CELF2: variants seen among roughly 807,000 people sequenced by gnomAD.
The protein encoded by CELF2 is CUGBP Elav-like family member 2.
CELF2 carries 8 observed loss-of-function variants against 62.6 expected under a neutral mutation model. That is an observed-to-expected ratio of 0.13 (90% CI 0.07 to 0.23). CELF2 has a LOEUF of 0.23. Among genes scored for constraint, CELF2 ranks in the 10% least tolerant of loss-of-function variants. The pLI, the probability that CELF2 is intolerant of heterozygous loss-of-function variation, is 1.00. For missense variants in CELF2, 333 were observed against 671.0 expected, an observed-to-expected ratio of 0.50 and a Z score of 5.56; for synonymous variants, 258 against 250.0, an observed-to-expected ratio of 1.03 and a Z score of -0.30.
intron 2 of CELF2, among the ~76,000 whole-genome samples, chr10:11,183,925 C>A (rs930366709): frequency 1.5e-4 from 23 of 152,114 alleles, no homozygotes; most frequent in South Asian, 1.2e-3. Context: ...TTTGGTGAAG[C>A]CTTATTTATA....
At chr10:11,035,954 A>G (rs2060880462) in intron 1 of CELF2, among the ~76,000 whole-genome samples, 1 of 152,234 alleles carries the variant, frequency 6.6e-6, no homozygotes, top group South Asian at 2.1e-4. Flanking sequence ...CAACAAGCAA[A>G]GCAATGTTTG....
rs192112762 is a variant in CELF2, at chr10:10,920,899, T to C, written c.89+900T>C. On this transcript the variant is annotated intron_variant, in intron 2 of 13. Transcript: ENST00000636488. ...AAGAGGTATTTTGCTGGGCATTGAA[T>C]GTATCTAGAATCTCTCCTGAGCACC... Among the ~76,000 whole-genome samples the C allele has an allele frequency of 8.7e-4, 133 of 152,208 alleles. 1 individual carries two copies. The highest frequency in any genetic ancestry group is 3.0e-3 in the African/African-American group (123 of 41,528).
the CELF2 span, among the ~76,000 whole-genome samples, chr10:10,747,175 T>C: frequency 6.6e-6 from 1 of 152,220 alleles, no homozygotes; most frequent in African/African-American, 2.4e-5. Context: ...GTCTGCAAGC[T>C]GGTGGAGCTG....
intron 1 of CELF2, among the ~76,000 whole-genome samples, chr10:11,119,786 A>G (rs1423212236): frequency 1.3e-5 from 2 of 151,698 alleles, no homozygotes; most frequent in Non-Finnish European, 2.9e-5. Flanking sequence ...GTGGAATACC[A>G]CAGTGATCAA....
the CELF2 span, among the ~76,000 whole-genome samples, chr10:10,761,905 CGTGTGTGTGT>C: frequency 2.7e-3 from 351 of 128,972 alleles, 1 homozygote; most frequent in East Asian, 9.6e-3. Flanking sequence ...TATAATAAAC[CGTGTGTGTGT>C]GTGTGTGTGT....
chr10:11,096,013 T>C (rs2049769471), intron 1 of CELF2, among the ~76,000 whole-genome samples: 1 of 152,220 alleles, frequency 6.6e-6, no homozygotes, highest in South Asian at 2.1e-4. Flanking sequence ...CATCCATAGG[T>C]ATTAACAGCT....
intron 2 of CELF2, among the ~76,000 whole-genome samples, chr10:10,956,272 T>C (rs2048884760): frequency 6.6e-6 from 1 of 152,262 alleles, no homozygotes; most frequent in Non-Finnish European, 1.5e-5. Flanking sequence ...ATGGTATCTC[T>C]GCTCTATTTC....
intron 2 of CELF2, among the ~76,000 whole-genome samples, chr10:10,964,800 A>G (rs1336312067): frequency 1.6e-5 from 2 of 123,840 alleles, no homozygotes; most frequent in African/African-American, 1.1e-4. Context: ...AATAATAATA[A>G]TAGAAACATC....
At chr10:10,992,818 G>C (rs904041327) in intron 2 of CELF2, among the ~76,000 whole-genome samples, 2 of 152,232 alleles carry the variant, frequency 1.3e-5, no homozygotes, top group African/African-American at 4.8e-5. Context: ...ACGGCAGTAG[G>C]TTAAACAGTC....
At chr10:10,521,399 C>T in the CELF2 span, among the ~76,000 whole-genome samples, 1 of 152,206 alleles carries the variant, frequency 6.6e-6, no homozygotes, top group African/African-American at 2.4e-5. Flanking sequence ...TCTTGGAAAG[C>T]TAAGTCAAGG....
At chr10:10,504,105 G>T in the CELF2 span, among the ~76,000 whole-genome samples, 3 of 151,958 alleles carry the variant, frequency 2.0e-5, no homozygotes, top group Non-Finnish European at 4.4e-5. Flanking sequence ...TGCTTCAACT[G>T]CCCAACATAA....
chr10:10,968,952 T>C (rs951561036), intron 2 of CELF2, among the ~76,000 whole-genome samples: 1 of 152,186 alleles, frequency 6.6e-6, no homozygotes, highest in Non-Finnish European at 1.5e-5. Flanking sequence ...TTGTTCAAAA[T>C]GAAAATGCAC....
the CELF2 span, among the ~76,000 whole-genome samples, chr10:10,634,293 G>A: frequency 6.6e-6 from 1 of 151,698 alleles, no homozygotes. Context: ...ATTTTTCCTA[G>A]GTATATTCTA....
At chr10:11,050,073 T>G (rs2063634884) in intron 1 of CELF2, among the ~76,000 whole-genome samples, 1 of 152,210 alleles carries the variant, frequency 6.6e-6, no homozygotes, top group African/African-American at 2.4e-5. Context: ...TCAGGATGTG[T>G]GGCTCAGCTG....
chr10:11,018,299 C>G (rs1045391060), intron 1 of CELF2, 136 bp downstream of exon 1: 2 of 610,438 alleles, frequency 3.3e-6, no homozygotes, highest in Admixed American at 4.8e-5. Context: ...CCTCGGCCTT[C>G]GGAGGCCGGC....
At position 11,297,689 on chromosome 10, in the gene CELF2, G is replaced by T. The variant is rs927040050; in HGVS notation, c.976+9137G>T. On this transcript the variant is annotated intron_variant, in intron 9 of 12. Coordinates refer to ENST00000633077, the MANE Select transcript of CELF2 (RefSeq NM_001326342.2). This position sits in a 1 kb window ranked among gnomAD's most constrained non-coding sequence, Gnocchi z 4.4. ...GAATATTTTTAAAAATCTGTAATGG[G>T]GCCAGTCATGGCAGTTCACACCTGT... Among the ~76,000 whole-genome samples, 5 of 152,166 alleles carry T rather than the reference G, an allele frequency of 3.3e-5. No homozygotes were observed. Among genetic ancestry groups the T allele is most frequent in the African/African-American group, 1.2e-4 (5 of 41,440 alleles).
At chr10:10,624,668 C>T in the CELF2 span, among the ~76,000 whole-genome samples, 18 of 152,230 alleles carry the variant, frequency 1.2e-4, no homozygotes, top group South Asian at 3.5e-3. Context: ...TGCAGAAAAC[C>T]CTGGGAGATA....
chr10:10,552,035 ACATAATGCACAGT>A, the CELF2 span, among the ~76,000 whole-genome samples: 1 of 152,048 alleles, frequency 6.6e-6, no homozygotes, highest in Non-Finnish European at 1.5e-5. Context: ...AGCACGTGGA[ACATAATGCACAGT>A]GTGCTGTGGA....
chr10:10,603,782 CAT>C, the CELF2 span, among the ~76,000 whole-genome samples: 2 of 131,418 alleles, frequency 1.5e-5, no homozygotes, highest in East Asian at 5.8e-4. Flanking sequence ...GATATTTACA[CAT>C]ACACACACAC....
Sources: allele counts gnomAD v4.1 joint callset (sites outside exome capture counted in the v4.1 genomes callset), GRCh38; gene constraint gnomAD v4.1.1; non-coding constraint Gnocchi (gnomAD v3.1); transcripts MANE v1.5; gene names NCBI Gene and HGNC (gene_info 2026-07-23, HGNC 2026-07-21).